CRACD: variants seen among roughly 807,000 people sequenced by gnomAD.
CRACD encodes capping protein-inhibiting regulator of actin dynamics.
In CRACD, 56 loss-of-function variants were observed where a neutral mutation model predicts 106.8. The ratio of observed to expected loss-of-function variants is 0.52; its 90% confidence interval spans 0.42 to 0.66. The LOEUF (loss-of-function observed/expected upper bound fraction) is 0.66. Ranked by LOEUF, CRACD falls within the 30% of genes least tolerant of loss-of-function variation. CRACD has a pLI of 0.00. For missense variants in CRACD, 1,730 were observed against 1,623.2 expected (o/e 1.07, Z -1.13); for synonymous variants, 754 against 670.8 (o/e 1.12, Z -1.92).
Position 56,316,652 on chromosome 4 carries a change from A to G in CRACD, c.3150A>G (p.Gln1050=), listed in dbSNP as rs2109780827. Residue 1050 remains glutamine (Q), a synonymous_variant, in exon 8 of 11, where the codon CAA becomes CAG. Coordinates refer to ENST00000682029, the MANE Select transcript of CRACD (RefSeq NM_001393381.1). ...PASPPLPATQ[Q]EKPSQTPEAG... is the part of the protein sequence containing the mutation. ...CCCCACCTCTGCCTGCCACTCAGCA[A>G]GAGAAACCTTCTCAAACACCCGAGG... The G allele has an allele frequency of 6.2e-7, 1 of 1,612,576 alleles. No homozygotes were observed. Among genetic ancestry groups the G allele is most frequent in the South Asian group, 1.1e-5 (1 of 91,070 alleles).
chr4:56,121,680 A>G (rs1426676737), intron 1 of CRACD, among the ~76,000 whole-genome samples: 2 of 152,182 alleles, frequency 1.3e-5, no homozygotes, highest in African/African-American at 4.8e-5. Context: ...ATGCAGGACT[A>G]TGTAGCATGA....
At chr4:56,165,816 A>T (rs1736120344) in intron 1 of CRACD, among the ~76,000 whole-genome samples, 1 of 152,234 alleles carries the variant, frequency 6.6e-6, no homozygotes, top group Non-Finnish European at 1.5e-5. Flanking sequence ...TAGCAAGCAA[A>T]GAGTTCAAAT....
chr4:56,087,415 C>T (rs73240513), intron 1 of CRACD, among the ~76,000 whole-genome samples: 11,794 of 152,284 alleles, frequency 0.077, 657 homozygotes, highest in Middle Eastern at 0.21. Flanking sequence ...TGGCCATTGA[C>T]ATGTGGAAAT....
intron 1 of CRACD, among the ~76,000 whole-genome samples, chr4:56,115,037 TTGTGGGAGGTCATTGGAATTG>T (rs1403249438): frequency 4.9e-4 from 74 of 152,270 alleles, no homozygotes; most frequent in African/African-American, 1.6e-3. Flanking sequence ...CAATAAAATG[TTGTGGGAGGTCATTGGAATTG>T]ACTTATAGTA....
At chr4:56,158,216 C>G (rs1286974631) in intron 1 of CRACD, among the ~76,000 whole-genome samples, 2 of 152,164 alleles carry the variant, frequency 1.3e-5, no homozygotes, top group Non-Finnish European at 2.9e-5. Context: ...TGTTCTGTAT[C>G]TCTATGTTGT....
Position 56,115,327 on chromosome 4 carries a change from A to G in CRACD, c.-335-63957A>G, listed in dbSNP as rs539638305. Among the ~76,000 whole-genome samples the G allele has an allele frequency of 5.9e-5, 9 of 152,312 alleles. No individual in the cohort carries two copies. In the East Asian group the frequency reaches 1.5e-3, roughly 26 times the overall value. ...TTTTAAAAATGACTGCATTTTCTAA[A>G]TCCCAGAATATCAATGTGGCTTTTG... is the stretch of plus-strand genomic sequence containing the variant. On this transcript the variant is annotated intron_variant, in intron 1 of 10. Coordinates refer to ENST00000682029, the MANE Select transcript of CRACD (RefSeq NM_001393381.1).
At chr4:56,058,100 G>C (rs551764737) in intron 1 of CRACD, among the ~76,000 whole-genome samples, 1 of 151,122 alleles carries the variant, frequency 6.6e-6, no homozygotes, top group South Asian at 2.1e-4. Flanking sequence ...AGGATTACAG[G>C]CATGAGCCAC....
chr4:56,172,466 A>G (rs1442128697), intron 1 of CRACD, among the ~76,000 whole-genome samples: 1 of 151,868 alleles, frequency 6.6e-6, no homozygotes, highest in South Asian at 2.1e-4. Flanking sequence ...CTAACACCCA[A>G]CCTTTCTTTT....
chr4:56,109,136 G>A (rs1376832336), intron 1 of CRACD, among the ~76,000 whole-genome samples: 1 of 152,222 alleles, frequency 6.6e-6, no homozygotes, highest in Non-Finnish European at 1.5e-5. Flanking sequence ...TTATGCGGGC[G>A]TGACAGAGGG....
At chr4:56,178,607 A>T (rs73155172) in intron 1 of CRACD, among the ~76,000 whole-genome samples, 68 of 152,216 alleles carry the variant, frequency 4.5e-4, no homozygotes, top group African/African-American at 1.6e-3. Flanking sequence ...ATACAAGCCA[A>T]CCCCCATCAG....
intron 1 of CRACD, among the ~76,000 whole-genome samples, chr4:56,084,020 C>G (rs1436886987): frequency 6.6e-6 from 1 of 152,038 alleles, no homozygotes; most frequent in Non-Finnish European, 1.5e-5. Context: ...CAAGAACCTA[C>G]AAATGAATTG....
intron 2 of CRACD, among the ~76,000 whole-genome samples, chr4:56,270,221 T>A (rs1560510941): frequency 8.8e-6 from 1 of 114,210 alleles, no homozygotes; most frequent in Non-Finnish European, 1.8e-5. Flanking sequence ...ATTTTCTTTT[T>A]CTTTTTTTTT....
chr4:56,270,921 AACACACACACACAC>A (rs35109908), intron 2 of CRACD, among the ~76,000 whole-genome samples: 3 of 145,732 alleles, frequency 2.1e-5, no homozygotes, highest in African/African-American at 7.6e-5. Flanking sequence ...GTCTCTACTA[AACACACACACACAC>A]ACACACACAC....
chr4:56,183,211 C>T (rs1736917884), intron 2 of CRACD, among the ~76,000 whole-genome samples: 1 of 116,936 alleles, frequency 8.6e-6, no homozygotes, highest in South Asian at 2.6e-4. Flanking sequence ...CCAGCCTGGG[C>T]TACAAGAGTG....
intron 3 of CRACD, among the ~76,000 whole-genome samples, chr4:56,288,157 CTCT>C (rs565405910): frequency 1.4e-3 from 216 of 152,140 alleles, no homozygotes; most frequent in Middle Eastern, 0.01. Context: ...AGGATTTTTC[CTCT>C]TCTTCTCCTT....
At chr4:56,201,354 A>T (rs958524109) in intron 2 of CRACD, among the ~76,000 whole-genome samples, 1 of 152,236 alleles carries the variant, frequency 6.6e-6, no homozygotes, top group African/African-American at 2.4e-5. Flanking sequence ...TTAGTAGTTG[A>T]TAGATATCTT....
intron 1 of CRACD, among the ~76,000 whole-genome samples, chr4:56,063,068 AAAGGAAAGG>A (rs1560439802): frequency 1.4e-5 from 1 of 72,380 alleles, no homozygotes. Context: ...AGGAAGGAAG[AAAGGAAAGG>A]AAGGAAGAGA....
chr4:56,238,636 C>G (rs535612416), intron 2 of CRACD, among the ~76,000 whole-genome samples: 1 of 152,300 alleles, frequency 6.6e-6, no homozygotes, highest in African/African-American at 2.4e-5. Flanking sequence ...CATTTTAGGA[C>G]TTTTGATACA....
At chr4:56,312,318 C>T (rs998873976) in intron 6 of CRACD, among the ~76,000 whole-genome samples, 4 of 152,016 alleles carry the variant, frequency 2.6e-5, no homozygotes, top group South Asian at 2.1e-4. Flanking sequence ...CCACCACACC[C>T]GGCTAATTTA....
Sources: gnomAD v4.1 joint callset for allele counts (sites outside exome capture counted in the v4.1 genomes callset) on GRCh38, gnomAD v4.1.1 for gene constraint, MANE v1.5 for transcripts, NCBI Gene and HGNC (gene_info 2026-07-23, HGNC 2026-07-21) for gene names.